Variants in ZFPM2 observed in about 807,000 individuals in gnomAD.
ZFPM2 encodes the protein zinc finger protein, FOG family member 2.
In ZFPM2, 20 loss-of-function variants were observed where a neutral mutation model predicts 98.6. The ratio of observed to expected loss-of-function variants is 0.20; its 90% CI spans 0.14 to 0.29. The LOEUF (loss-of-function observed/expected upper bound fraction) is 0.29, where lower values mean the gene tolerates loss of function less well. ZFPM2 is among the 10% of genes least tolerant of loss of function. ZFPM2 has a pLI of 1.00. For missense variants in ZFPM2, 1,310 were observed against 1,388.6 expected (o/e 0.94, Z 0.90); for synonymous variants, 518 against 502.7 (o/e 1.03, Z -0.41).
chr8:105,340,930 C>T (rs1323198582), intron 1 of ZFPM2, among the ~76,000 whole-genome samples: 1 of 151,928 alleles, frequency 6.6e-6, no homozygotes, highest in Non-Finnish European at 1.5e-5. Context: ...ACACAAATTT[C>T]CTAGACTTAA....
At chr8:105,415,855 C>T (rs1811670000) in intron 1 of ZFPM2, among the ~76,000 whole-genome samples, 1 of 152,064 alleles carries the variant, frequency 6.6e-6, no homozygotes, top group Non-Finnish European at 1.5e-5. Context: ...ATAAAGCTGA[C>T]ACTTGCTTTG....
intron 1 of ZFPM2, among the ~76,000 whole-genome samples, chr8:105,376,806 T>G (rs1810733011): frequency 6.6e-6 from 1 of 152,196 alleles, no homozygotes; most frequent in Non-Finnish European, 1.5e-5. Context: ...CCTAATGTGG[T>G]CTCTCTGAAA....
At chr8:105,636,453 C>T (rs1200547095) in intron 5 of ZFPM2, among the ~76,000 whole-genome samples, 2 of 152,112 alleles carry the variant, frequency 1.3e-5, no homozygotes, top group Admixed American at 6.6e-5. Context: ...TCTTGATGCT[C>T]CCATGCCAAA....
intron 1 of ZFPM2, among the ~76,000 whole-genome samples, chr8:105,350,700 TCTTTA>T (rs761366035): frequency 5.9e-5 from 9 of 152,192 alleles, no homozygotes; most frequent in Non-Finnish European, 7.3e-5. Flanking sequence ...ATTAGTATAC[TCTTTA>T]CTTATTCATT....
At chr8:105,674,198 G>A (rs945838046) in intron 5 of ZFPM2, among the ~76,000 whole-genome samples, 3 of 152,160 alleles carry the variant, frequency 2.0e-5, no homozygotes, top group African/African-American at 4.8e-5. Context: ...TAATGCAGAC[G>A]CTCTTTTATT....
At chr8:105,551,484 A>G (rs1298133898) in intron 3 of ZFPM2, among the ~76,000 whole-genome samples, 2 of 152,198 alleles carry the variant, frequency 1.3e-5, no homozygotes, top group East Asian at 3.9e-4. Context: ...CTGAATAAAA[A>G]TTTAAAAATC....
chr8:105,466,155 T>C (rs1410261201), intron 3 of ZFPM2, among the ~76,000 whole-genome samples: 2 of 152,032 alleles, frequency 1.3e-5, no homozygotes, highest in Admixed American at 1.3e-4. Flanking sequence ...AATATTTTAA[T>C]ATGAATGCAT....
chr8:105,779,206 C>T (rs1030767550), intron 5 of ZFPM2, among the ~76,000 whole-genome samples: 1 of 152,102 alleles, frequency 6.6e-6, no homozygotes, highest in African/African-American at 2.4e-5. Context: ...CTATCTATTG[C>T]CTAAGGCTCC....
At chr8:105,499,809 A>G (rs973680363) in intron 3 of ZFPM2, among the ~76,000 whole-genome samples, 14 of 152,172 alleles carry the variant, frequency 9.2e-5, no homozygotes, top group African/African-American at 3.1e-4. Flanking sequence ...AGCTTTTTGT[A>G]GGGGCAGAGG....
intron 1 of ZFPM2, among the ~76,000 whole-genome samples, chr8:105,352,151 C>A (rs1336246553): frequency 1.3e-5 from 2 of 152,132 alleles, no homozygotes; most frequent in Non-Finnish European, 2.9e-5. Context: ...ATGCATCTTA[C>A]GTTTGGAACT....
At chr8:105,392,382 G>A (rs773310174) in intron 1 of ZFPM2, among the ~76,000 whole-genome samples, 32 of 152,224 alleles carry the variant, frequency 2.1e-4, no homozygotes, top group Non-Finnish European at 3.8e-4. Flanking sequence ...ATTAATCTAG[G>A]TAATTATAGT....
chr8:105,404,504 A>G (rs1331444868), intron 1 of ZFPM2, among the ~76,000 whole-genome samples: 2 of 152,034 alleles, frequency 1.3e-5, no homozygotes, highest in African/African-American at 4.8e-5. Context: ...CTCAGCACGT[A>G]TGAATCTGAA....
intron 5 of ZFPM2, among the ~76,000 whole-genome samples, chr8:105,636,786 T>G (rs1816855531): frequency 6.6e-6 from 1 of 152,192 alleles, no homozygotes; most frequent in Non-Finnish European, 1.5e-5. Flanking sequence ...TCAATAATGT[T>G]TTAACCTGTA....
In ZFPM2 at chr8:105,487,339, G is replaced by A. The variant is rs1281447276; in HGVS notation, c.301+42958G>A. Among the ~76,000 whole-genome samples the A allele has an allele frequency of 2.6e-5, 4 of 152,090 alleles. No individual in the cohort carries two copies. In the East Asian group the frequency reaches 7.7e-4, roughly 29 times the overall value. ...TTCCCATATTGCCCAGGCTGGTGCTGAATTCTTGGGCTCAAGCTATCCTCT... is the reference window on the plus strand; with the variant it reads ...TTCCCATATTGCCCAGGCTGGTGCTAAATTCTTGGGCTCAAGCTATCCTCT... On this transcript the variant is annotated intron_variant, in intron 3 of 7. Transcript: ENST00000407775.
intron 1 of ZFPM2, among the ~76,000 whole-genome samples, chr8:105,389,013 CGTGTGTGTGTGTGTGTGTGTGTGTGT>C (rs142145699): frequency 3.0e-5 from 4 of 134,906 alleles, no homozygotes; most frequent in Admixed American, 1.5e-4. Flanking sequence ...AATTTGATGA[CGTGTGTGTGTGTGTGTGTGTGTGTGT>C]GTGTGTGTGT....
At chr8:105,536,233 G>T (rs73306208) in intron 3 of ZFPM2, among the ~76,000 whole-genome samples, 242 of 152,090 alleles carry the variant, frequency 1.6e-3, no homozygotes, top group Middle Eastern at 3.4e-3. Flanking sequence ...TAATTTTACT[G>T]CTTAATAATG....
At chr8:105,527,252 T>C (rs997790424) in intron 3 of ZFPM2, among the ~76,000 whole-genome samples, 6 of 152,156 alleles carry the variant, frequency 3.9e-5, no homozygotes, top group African/African-American at 1.4e-4. Flanking sequence ...ATCTGTGAAC[T>C]CTCAAGTGTT....
intron 5 of ZFPM2, among the ~76,000 whole-genome samples, chr8:105,731,514 C>T (rs1015573899): frequency 6.6e-6 from 1 of 151,502 alleles, no homozygotes; most frequent in Non-Finnish European, 1.5e-5. Context: ...CTCATATGTC[C>T]TTCTACATGT....
At chr8:105,758,744 T>C (rs1198300606) in intron 5 of ZFPM2, among the ~76,000 whole-genome samples, 1 of 152,026 alleles carries the variant, frequency 6.6e-6, no homozygotes, top group Non-Finnish European at 1.5e-5. Flanking sequence ...CCACCAAATA[T>C]AAGAGTGTTA....
Sources: allele counts gnomAD v4.1 joint callset (sites outside exome capture counted in the v4.1 genomes callset), GRCh38; gene constraint gnomAD v4.1.1; transcripts MANE v1.5; gene names NCBI Gene and HGNC (gene_info 2026-07-23, HGNC 2026-07-21).